The following NGLY1 variants were observed in gnomAD, a reference collection of about 807,000 sequenced individuals.
NGLY1 encodes N-glycanase 1.
A neutral mutation model predicts 84.6 loss-of-function variants in NGLY1; 68 were observed. That is an observed-to-expected ratio of 0.80 (90% CI 0.66 to 0.98). NGLY1 has a LOEUF of 0.98. Ranked by LOEUF, NGLY1 falls within the 50% of genes least tolerant of loss-of-function variation. The pLI is 0.00. For missense variants in NGLY1, 779 were observed against 770.2 expected (o/e 1.01, Z -0.14); for synonymous variants, 280 against 275.2 (o/e 1.02, Z -0.17).
At chr3:25,727,424 G>A (rs575601301) in intron 10 of NGLY1, among the ~76,000 whole-genome samples, 4 of 152,040 alleles carry the variant, frequency 2.6e-5, no homozygotes, top group Non-Finnish European at 5.9e-5. Flanking sequence ...AATACGCCAC[G>A]TACTCCATGC....
intron 3 of NGLY1, among the ~76,000 whole-genome samples, chr3:25,751,488 T>C (rs148147135): frequency 6.7e-4 from 102 of 152,296 alleles, no homozygotes; most frequent in African/African-American, 2.1e-3. Context: ...GTATATACTA[T>C]TAAGGATATA....
chr3:25,725,572 C>T lies in NGLY1; in HGVS notation c.1611+3561G>A, dbSNP rs939561949. Among the ~76,000 whole-genome samples the T allele has an allele frequency of 2.3e-4, 35 of 152,056 alleles. 1 individual carries two copies. ...AGTGGGGAGGGGAGAGTCTTGGGGA[C>T]TAAACCCTCAACATTTGGTATCTAA... On this transcript the variant is annotated intron_variant, in intron 10 of 11. Coordinates refer to ENST00000280700, the MANE Select transcript of NGLY1 (RefSeq NM_018297.4).
At chr3:25,732,766 T>G (rs1705605728) in intron 8 of NGLY1, among the ~76,000 whole-genome samples, 1 of 152,206 alleles carries the variant, frequency 6.6e-6, no homozygotes, top group Admixed American at 6.5e-5. Flanking sequence ...CTTCTGTTTC[T>G]GGATATGATA....
intron 4 of NGLY1, chr3:25,749,473 C>G (rs1706612771): frequency 7.1e-7 from 1 of 1,415,722 alleles, no homozygotes; most frequent in African/African-American, 1.4e-5. Flanking sequence ...TGGCAGCCAT[C>G]TCCTCTTCGG....
At chr3:25,736,329 T>C (rs1004693453) in intron 6 of NGLY1, 180 bp from the exon 7 acceptor site, 8 of 1,551,538 alleles carry the variant, frequency 5.2e-6, no homozygotes, top group Middle Eastern at 1.7e-4. Flanking sequence ...TTCTGTCTCT[T>C]TGAAATCCTT....
chr3:25,766,121 A>G (rs927531360), intron 2 of NGLY1, among the ~76,000 whole-genome samples: 9 of 151,478 alleles, frequency 5.9e-5, no homozygotes, highest in Admixed American at 5.9e-4. Flanking sequence ...TCTGGAGTGC[A>G]GTGGTGTGAT....
intron 8 of NGLY1, among the ~76,000 whole-genome samples, chr3:25,733,466 C>CGTGTGTGTGTGTGTGT (rs60529800): frequency 7.5e-6 from 1 of 134,124 alleles, no homozygotes; most frequent in African/African-American, 2.8e-5. Context: ...CTCACATGGA[C>CGTGTGTGTGTGTGTGT]GTGTGTGTGT....
At chr3:25,747,240 G>A (rs1334969415) in intron 4 of NGLY1, among the ~76,000 whole-genome samples, 1 of 152,162 alleles carries the variant, frequency 6.6e-6, no homozygotes, top group Non-Finnish European at 1.5e-5. Context: ...AACATGTTCA[G>A]TAAGTACCTG....
At chr3:25,786,280 C>T (rs1282522598), upstream of NGLY1, among the ~76,000 whole-genome samples, 1 of 151,476 alleles carries the variant, frequency 6.6e-6, no homozygotes, top group Non-Finnish European at 1.5e-5. Flanking sequence ...CTGAGGTTGC[C>T]CTACTGCACT....
chr3:25,741,600 T>A (rs189783773), intron 4 of NGLY1, among the ~76,000 whole-genome samples: 9 of 152,228 alleles, frequency 5.9e-5, no homozygotes, highest in African/African-American at 1.9e-4. Flanking sequence ...AATAAAAAAA[T>A]TAAATTTTCT....
chr3:25,782,973 C>T lies in NGLY1; in HGVS notation c.131+287G>A, dbSNP rs1332723890. On this transcript the variant is annotated intron_variant, in intron 1 of 11. Coordinates refer to ENST00000280700, the MANE Select transcript of NGLY1 (RefSeq NM_018297.4). ...AGCACGCCTTCCTACCTCTCCTCCGCCCGGCCCCGCTTCCGGGACTCCAGT... is the reference window on the plus strand; with the variant it reads ...AGCACGCCTTCCTACCTCTCCTCCGTCCGGCCCCGCTTCCGGGACTCCAGT... 1.6e-5 allele frequency: 6 copies of T among 373,876 alleles called. No homozygotes were observed. The Admixed American group carries it at 1.9e-4, about 12-fold the overall frequency. 23.2% of individuals were successfully genotyped at this position (373,876 alleles called of 1,614,324 possible). A position where few individuals can be genotyped will look rare whatever the true frequency, so the allele number is the denominator to read the frequency against.
chr3:25,781,208 C>T (rs1708401223), intron 1 of NGLY1, among the ~76,000 whole-genome samples: 1 of 152,132 alleles, frequency 6.6e-6, no homozygotes, highest in Non-Finnish European at 1.5e-5. Context: ...ACCTTGGCCT[C>T]CCACAGTGCT....
intron 9 of NGLY1, among the ~76,000 whole-genome samples, chr3:25,730,988 A>G (rs996438263): frequency 1.1e-4 from 16 of 152,118 alleles, no homozygotes; most frequent in African/African-American, 3.9e-4. Context: ...TGCCTGTTAC[A>G]AAGCCTAGCA....
intron 10 of NGLY1, among the ~76,000 whole-genome samples, chr3:25,724,026 C>T (rs1461953006): frequency 1.3e-5 from 2 of 152,172 alleles, no homozygotes; most frequent in Non-Finnish European, 2.9e-5. Flanking sequence ...ATACTATTCA[C>T]AATATATAAA....
intron 8 of NGLY1, among the ~76,000 whole-genome samples, chr3:25,733,461 A>C (rs1705646517): frequency 1.4e-5 from 2 of 140,802 alleles, no homozygotes; most frequent in Admixed American, 1.5e-4. Context: ...ATTTCCTCAC[A>C]TGGACGTGTG....
In NGLY1 at chr3:25,766,215, G is replaced by A. The variant is rs571696348; in HGVS notation, c.247-1904C>T. Among the ~76,000 whole-genome samples the A allele has an allele frequency of 3.0e-4, 46 of 151,920 alleles. No individual in the cohort carries two copies. The South Asian group carries it at 8.3e-3, about 27-fold the overall frequency. ...CAAGTAGCTGGGATTACAGGCATGC[G>A]CCACCACACCTGGGTAATTTTTGTA... On this transcript the variant is annotated intron_variant, in intron 2 of 11. Coordinates refer to ENST00000280700, the MANE Select transcript of NGLY1 (RefSeq NM_018297.4).
At chr3:25,762,883 G>C (rs757098984) in intron 3 of NGLY1, among the ~76,000 whole-genome samples, 1 of 152,190 alleles carries the variant, frequency 6.6e-6, no homozygotes, top group Non-Finnish European at 1.5e-5. Flanking sequence ...GAACCCAGGA[G>C]GTGGGGGTTG....
At chr3:25,788,518 G>C (rs376437138) in intron 1 of NGLY1, among the ~76,000 whole-genome samples, 3 of 152,096 alleles carry the variant, frequency 2.0e-5, no homozygotes, top group African/African-American at 7.2e-5. Flanking sequence ...GTGATAAGAG[G>C]TAGATACAAA....
chr3:25,753,681 T>C (rs1044657858), intron 3 of NGLY1, among the ~76,000 whole-genome samples: 2 of 152,014 alleles, frequency 1.3e-5, no homozygotes, highest in Admixed American at 6.6e-5. Context: ...AAAGATTATA[T>C]TTAACTTCCT....
Sources: allele counts gnomAD v4.1 joint callset (sites outside exome capture counted in the v4.1 genomes callset), GRCh38; gene constraint gnomAD v4.1.1; transcripts MANE v1.5; gene names NCBI Gene and HGNC (gene_info 2026-07-23, HGNC 2026-07-21).